ESR1: variants seen among roughly 807,000 people sequenced by gnomAD.
ESR1 encodes estrogen receptor 1.
In ESR1, 12 loss-of-function variants were observed where a neutral mutation model predicts 52.7. The ratio of observed to expected loss-of-function variants is 0.23; its 90% CI spans 0.15 to 0.37. The LOEUF (loss-of-function observed/expected upper bound fraction) is 0.37. Ranked by LOEUF, ESR1 falls within the 10% of genes least tolerant of loss-of-function variation. The pLI is 1.00. For missense variants in ESR1, 584 were observed against 779.7 expected (o/e 0.75, Z 2.99); for synonymous variants, 305 against 316.8 (o/e 0.96, Z 0.39).
chr6:151,809,328 C>G (rs975200867), intron 1 of ESR1: 1 of 293,366 alleles, frequency 3.4e-6, no homozygotes, highest in Non-Finnish European at 7.4e-6. Context: ...TCTCCCTCTC[C>G]TCTCCCTCCC....
At position 151,925,314 on chromosome 6, in the gene ESR1, G is replaced by A. The variant is rs534610469; in HGVS notation, c.761-18859G>A. ...ATCAGATCTTTTGCCCATTTTAAAA[G>A]TGGGGTTTTGGGCTGGGCGCAGTGG... On this transcript the variant is annotated intron_variant, in intron 3 of 7. Transcript: ENST00000206249. 6.6e-5 allele frequency among the ~76,000 whole-genome samples: 10 copies of A among 152,168 alleles called. No individual in the cohort carries two copies. The South Asian group carries it at 1.9e-3, about 28-fold the overall frequency.
chr6:151,734,579 A>G (rs536655183), intron 2 of ESR1, among the ~76,000 whole-genome samples: 1 of 151,884 alleles, frequency 6.6e-6, no homozygotes, highest in East Asian at 1.9e-4. Flanking sequence ...TTCTTGCTGC[A>G]CTTTTTGGCA....
chr6:151,808,195 G>C lies in ESR1; in HGVS notation c.283G>C (p.Gly95Arg). Residue 95 changes from glycine (G) to arginine (R), a missense_variant, in exon 1 of 8, where the codon GGG (glycine) becomes CGG (arginine). Transcript: ENST00000206249. ...EAAAFGSNGLGGFPPLNSVSP... is the reference protein window; with the variant it reads ...EAAAFGSNGLRGFPPLNSVSP... ...TGCGGCGTTCGGCTCCAACGGCCTG[G>C]GGGGTTTCCCCCCACTCAACAGCGT... 1 of 1,577,132 alleles carries C rather than the reference G, an allele frequency of 6.3e-7. No homozygotes were observed. Among genetic ancestry groups the C allele is most frequent in the Non-Finnish European group, 8.6e-7 (1 of 1,161,494 alleles).
rs576895961 is a variant in ESR1 at position 151,946,682 on chromosome 6, A to G, written c.1096+2174A>G. Among the ~76,000 whole-genome samples, 34 of 152,264 alleles carry G rather than the reference A, an allele frequency of 2.2e-4. 1 individual carries two copies. Among genetic ancestry groups the G allele is most frequent in the African/African-American group, 8.2e-4 (34 of 41,552 alleles). Reference sequence around the variant, plus strand: ...ATTAAAAAAAAGAATTATAAAGGCAAAAATGAAATTATATGTATGTGTGTT... The same window carrying G: ...ATTAAAAAAAAGAATTATAAAGGCAGAAATGAAATTATATGTATGTGTGTT... On this transcript the variant is annotated intron_variant, in intron 4 of 7. Transcript: ENST00000206249.
intron 2 of ESR1, among the ~76,000 whole-genome samples, chr6:151,848,901 T>C (rs1380784435): frequency 6.6e-6 from 1 of 152,182 alleles, no homozygotes; most frequent in African/African-American, 2.4e-5. Flanking sequence ...TTCTCTCTCC[T>C]ATTCCTTCTC....
Position 151,715,254 on chromosome 6 carries a change from C to T in ESR1, c.-71+13249C>T, listed in dbSNP as rs539184961. Among the ~76,000 whole-genome samples, 451 of 152,314 alleles carry T rather than the reference C, an allele frequency of 3.0e-3. 3 individuals are homozygous for T. The highest frequency in any genetic ancestry group is 0.01 in the African/African-American group (427 of 41,562). ...TTTGTGGGTAACACGACCTTTCTCTCTGGCTGCACTTAACATTTTTTCCTT... is the reference window on the plus strand; with the variant it reads ...TTTGTGGGTAACACGACCTTTCTCTTTGGCTGCACTTAACATTTTTTCCTT... On this transcript the variant is annotated intron_variant, in intron 2 of 2. Transcript: ENST00000404742.
At chr6:151,772,862 T>C (rs1785630770) in intron 2 of ESR1, among the ~76,000 whole-genome samples, 1 of 152,210 alleles carries the variant, frequency 6.6e-6, no homozygotes, top group South Asian at 2.1e-4. Context: ...AGTCTTACCA[T>C]TCCTCTCAGC....
At chr6:151,742,424 T>TAA (rs1583089422) in intron 2 of ESR1, among the ~76,000 whole-genome samples, 1 of 152,210 alleles carries the variant, frequency 6.6e-6, no homozygotes, top group East Asian at 1.9e-4. Flanking sequence ...ACTTGCTATT[T>TAA]CTTGTCTTTT....
intron 2 of ESR1, among the ~76,000 whole-genome samples, chr6:151,772,290 G>A (rs1785588407): frequency 6.6e-6 from 1 of 152,124 alleles, no homozygotes; most frequent in Admixed American, 6.5e-5. Flanking sequence ...ATGCAAGAGT[G>A]GCCCTTCCAA....
At chr6:151,770,390 C>T (rs1184754705) in intron 2 of ESR1, among the ~76,000 whole-genome samples, 2 of 151,930 alleles carry the variant, frequency 1.3e-5, no homozygotes, top group Admixed American at 1.3e-4. Flanking sequence ...TGAAGAGGCT[C>T]TAGAAATATT....
intron 2 of ESR1, among the ~76,000 whole-genome samples, chr6:151,853,305 A>G (rs993288300): frequency 3.3e-5 from 5 of 152,042 alleles, no homozygotes; most frequent in African/African-American, 4.8e-5. Flanking sequence ...CTCATCAGAG[A>G]AATAGAAAGA....
chr6:151,790,782 T>A (rs1409020994), intron 2 of ESR1, among the ~76,000 whole-genome samples: 3 of 152,134 alleles, frequency 2.0e-5, no homozygotes, highest in African/African-American at 2.4e-5. Context: ...ATTCAGTTAA[T>A]AAAAAGACTA....
intron 2 of ESR1, among the ~76,000 whole-genome samples, chr6:151,772,666 C>G (rs1344800816): frequency 2.6e-5 from 4 of 152,166 alleles, no homozygotes; most frequent in African/African-American, 9.7e-5. Flanking sequence ...GTGAGCAATT[C>G]AAAGTTGGAT....
At chr6:151,699,019 C>T (rs1005017742) in intron 1 of ESR1, among the ~76,000 whole-genome samples, 2 of 152,184 alleles carry the variant, frequency 1.3e-5, no homozygotes, top group Non-Finnish European at 2.9e-5. Flanking sequence ...CAAAGGTCTC[C>T]TGCTTACTAC....
At chr6:151,886,267 C>A (rs1053518802) in intron 3 of ESR1, among the ~76,000 whole-genome samples, 1 of 151,916 alleles carries the variant, frequency 6.6e-6, no homozygotes, top group Non-Finnish European at 1.5e-5. Context: ...TTTTTCTTAC[C>A]ATAGATTCAG....
chr6:151,706,960 A>T (rs764811392), intron 2 of ESR1, among the ~76,000 whole-genome samples: 5 of 152,160 alleles, frequency 3.3e-5, no homozygotes, highest in Non-Finnish European at 5.9e-5. Flanking sequence ...GGTTTATATG[A>T]CACTGGCAGG....
intron 4 of ESR1, among the ~76,000 whole-genome samples, chr6:151,960,890 G>A (rs745885934): frequency 2.0e-5 from 3 of 152,154 alleles, no homozygotes; most frequent in Admixed American, 1.3e-4. Context: ...ATATCTTGAG[G>A]TAGAGCTGAC....
chr6:151,837,566 A>G (rs774399801), intron 1 of ESR1, among the ~76,000 whole-genome samples: 5 of 152,090 alleles, frequency 3.3e-5, no homozygotes, highest in Non-Finnish European at 7.4e-5. Flanking sequence ...TTTTTCTGCT[A>G]TTCTTCATTC....
intron 2 of ESR1, among the ~76,000 whole-genome samples, chr6:151,789,279 G>A (rs190952666): frequency 1.3e-5 from 2 of 152,244 alleles, no homozygotes; most frequent in Admixed American, 6.5e-5. Flanking sequence ...GCTTCCAAAG[G>A]GGATGTCCTG....
Sources: allele counts gnomAD v4.1 joint callset (sites outside exome capture counted in the v4.1 genomes callset), GRCh38; gene constraint gnomAD v4.1.1; transcripts MANE v1.5; gene names NCBI Gene and HGNC (gene_info 2026-07-23, HGNC 2026-07-21).